GPRC5A: variants seen among roughly 807,000 people sequenced by gnomAD.
GPRC5A encodes G protein-coupled receptor class C group 5 member A.
A neutral mutation model predicts 22.5 loss-of-function variants in GPRC5A; 19 were observed. The observed-to-expected ratio is 0.85, with a 90% CI of 0.59 to 1.24. GPRC5A has a LOEUF of 1.24. GPRC5A is among the 50% of genes most tolerant of loss of function. GPRC5A has a pLI of 0.00. For synonymous variants in GPRC5A, 192 were observed against 184.5 expected (o/e 1.04, Z -0.33); for missense variants, 471 against 451.1 (o/e 1.04, Z -0.40).
At chr12:12,895,821 C>CAAAAAAAA (rs34696528) in intron 1 of GPRC5A, among the ~76,000 whole-genome samples, 38 of 75,622 alleles carry the variant, frequency 5.0e-4, no homozygotes, top group Non-Finnish European at 6.9e-4. Context: ...ACTAAAAATA[C>CAAAAAAAA]AAAAAAAAAA....
chr12:12,902,257 G>GATGGGGTGGGGGAGGCT (rs986799179), intron 1 of GPRC5A, among the ~76,000 whole-genome samples: 11 of 152,076 alleles, frequency 7.2e-5, no homozygotes, highest in African/African-American at 2.7e-4. Context: ...TCAGCTTAGG[G>GATGGGGTGGGGGAGGCT]ATGGGGTGGG....
At chr12:12,895,907 G>A (rs1295239965) in intron 1 of GPRC5A, among the ~76,000 whole-genome samples, 1 of 145,742 alleles carries the variant, frequency 6.9e-6, no homozygotes, top group Non-Finnish European at 1.5e-5. Context: ...GCAGGAGAAT[G>A]GTGTGAACCC....
At chr12:12,911,473 T>A (rs1864003270) in intron 2 of GPRC5A, among the ~76,000 whole-genome samples, 1 of 151,824 alleles carries the variant, frequency 6.6e-6, no homozygotes, top group Non-Finnish European at 1.5e-5. Context: ...AAATGACTGG[T>A]TTTTATGACT....
intron 1 of GPRC5A, among the ~76,000 whole-genome samples, chr12:12,898,652 A>G (rs1428731394): frequency 6.6e-6 from 1 of 152,172 alleles, no homozygotes; most frequent in Non-Finnish European, 1.5e-5. Flanking sequence ...TCGCATATTT[A>G]TCAAAGAGCC....
intron 2 of GPRC5A, 160 bp downstream of exon 2, chr12:12,909,331 C>T: frequency 1.7e-6 from 1 of 596,472 alleles, no homozygotes; most frequent in East Asian, 2.8e-5. Flanking sequence ...AGTCGTCCAG[C>T]CTGTTAGAGA....
At position 12,908,527 on chromosome 12, in the gene GPRC5A, C is replaced by G; in HGVS notation, c.278C>G (p.Thr93Arg). The G allele has an allele frequency of 6.2e-7, 1 of 1,614,156 alleles. No homozygotes were observed. The highest frequency in any genetic ancestry group is 8.5e-7 in the Non-Finnish European group (1 of 1,180,036). The change falls in exon 2 of 4, where the codon ACA becomes AGA. Residue 93 changes from threonine (T) to arginine (R), a missense_variant. Physicochemically the swap from Thr to Arg is moderately conservative, Grantham distance 71. Transcript: ENST00000014914. ...TTCATCATCGGACTGGACGGGAGCA[C>G]AGGGCCCACACGCTTCTTCCTCTTT... ...FAFIIGLDGSTGPTRFFLFGI... is the reference protein window; with the variant it reads ...FAFIIGLDGSRGPTRFFLFGI...
At position 12,913,615 on chromosome 12, in the gene GPRC5A, A is replaced by G. The variant is rs546671485; in HGVS notation, c.*1076A>G. 1 of 152,314 alleles carries G rather than the reference A, an allele frequency of 6.6e-6. No individual in the cohort carries two copies. Among genetic ancestry groups the G allele is most frequent in the Admixed American group, 6.5e-5 (1 of 15,290 alleles). 9.4% of individuals were successfully genotyped at this position (152,314 alleles called of 1,614,324 possible). ...TAATAAGTTATTCACCTGAGTATGC[A>G]ATAAAGATGTGGTGGCCACTCTTTC... On this transcript the variant is annotated 3_prime_UTR_variant, in exon 4 of 4. Transcript: ENST00000014914.
intron 1 of GPRC5A, among the ~76,000 whole-genome samples, chr12:12,900,891 C>CAAAA (rs756416857): frequency 2.2e-3 from 48 of 21,618 alleles, no homozygotes; most frequent in African/African-American, 3.2e-3. Context: ...AACTCCGTCT[C>CAAAA]AAAAAAAAAA....
chr12:12,898,355 G>A (rs1015807907), intron 1 of GPRC5A, among the ~76,000 whole-genome samples: 2 of 152,182 alleles, frequency 1.3e-5, no homozygotes, highest in East Asian at 1.9e-4. Context: ...GCAACATAGC[G>A]AGACCCCACC....
At position 12,917,326 on chromosome 12, in the gene GPRC5A, A is replaced by G. The variant is rs1864076555; in HGVS notation, c.*4787A>G. The stretch of plus-strand genomic sequence containing the variant: ...TTTCTTTCTTGACCCTTCAAAGTGG[A>G]ACAGTCCAGTGCCAAAAATTTTAGA... On this transcript the variant is annotated 3_prime_UTR_variant, in exon 4 of 4. Transcript: ENST00000014914. 1 of 151,748 alleles carries G rather than the reference A, an allele frequency of 6.6e-6. No individual in the cohort carries two copies. Among genetic ancestry groups the G allele is most frequent in the South Asian group, 2.1e-4 (1 of 4,796 alleles). 9.4% of individuals were successfully genotyped at this position (151,748 alleles called of 1,614,324 possible).
At chr12:12,909,367 G>A (rs1379058867) in intron 2 of GPRC5A, 196 bp downstream of exon 2, 1 of 554,790 alleles carries the variant, frequency 1.8e-6, no homozygotes, top group East Asian at 2.9e-5. Flanking sequence ...GCTGGCCTCT[G>A]GAGTCTTTAT....
Position 12,912,547 on chromosome 12 carries a change from CT to C in GPRC5A, c.*9del. 6.5e-7 allele frequency: 1 copy of C among 1,536,894 alleles called. No individual in the cohort carries two copies. Among genetic ancestry groups the C allele is most frequent in the Non-Finnish European group, 9.0e-7 (1 of 1,109,460 alleles). ...AAGAAAGAGGGCAGCTAACTCTGTC[CT>C]GAAGAGTGGGACAAATGCAGCCGGG... On this transcript the variant is annotated 3_prime_UTR_variant, in exon 4 of 4. Transcript: ENST00000014914.
At chr12:12,897,697 C>CTCCT (rs1863837665) in intron 1 of GPRC5A, among the ~76,000 whole-genome samples, 1 of 151,442 alleles carries the variant, frequency 6.6e-6, no homozygotes, top group Non-Finnish European at 1.5e-5. Flanking sequence ...CAGCCTCTGC[C>CTCCT]TCCTGGGTTC....
rs1565466605 is a variant in GPRC5A at position 12,914,598 on chromosome 12, C to CTTTCTTTCTTTCTTTCTT, written c.*2060_*2061insTTCTTTCTTTCTTTCTTT. The CTTTCTTTCTTTCTTTCTT allele has an allele frequency of 5.9e-4, 7 of 11,938 alleles. No homozygotes were observed. Among genetic ancestry groups the CTTTCTTTCTTTCTTTCTT allele is most frequent in the Admixed American group, 3.0e-3 (3 of 1,000 alleles). The allele number at this position is 11,938 out of a possible 1,614,324, so 0.7% of individuals were successfully genotyped here. On this transcript the variant is annotated 3_prime_UTR_variant, in exon 4 of 4. Coordinates refer to ENST00000014914, the MANE Select transcript of GPRC5A (RefSeq NM_003979.4). ...TTTCTTTCTTTCTTTCTTTCTTTCT[C>CTTTCTTTCTTTCTTTCTT]TCTCTCTCTCTCTCTCTCTTTCTTT...
chr12:12,914,127 T>C lies in GPRC5A; in HGVS notation c.*1588T>C, dbSNP rs1864034303. The C allele has an allele frequency of 6.6e-6, 1 of 152,260 alleles. No homozygotes were observed. Among genetic ancestry groups the C allele is most frequent in the African/African-American group, 2.4e-5 (1 of 41,448 alleles). The allele number at this position is 152,260 out of a possible 1,614,324, so 9.4% of individuals were successfully genotyped here. A position where few individuals can be genotyped will look rare whatever the true frequency, so the allele number is the denominator to read the frequency against. On this transcript the variant is annotated 3_prime_UTR_variant, in exon 4 of 4. Coordinates refer to ENST00000014914, the MANE Select transcript of GPRC5A (RefSeq NM_003979.4). Reference sequence around the variant, plus strand: ...GCAATAGGAAATCTCTCTTTCGTTATGGAAAAAAAATAATCCCTCTACATA... The same window carrying C: ...GCAATAGGAAATCTCTCTTTCGTTACGGAAAAAAAATAATCCCTCTACATA...
intron 1 of GPRC5A, among the ~76,000 whole-genome samples, chr12:12,896,484 G>A (rs936727502): frequency 3.3e-5 from 5 of 152,326 alleles, no homozygotes; most frequent in African/African-American, 1.2e-4. Context: ...ATCAAGGGCA[G>A]AGGGATTTCT....
Position 12,909,052 on chromosome 12 carries a change from T to C in GPRC5A, c.803T>C (p.Leu268Pro). The C allele has an allele frequency of 6.2e-7, 1 of 1,611,162 alleles. No individual in the cohort carries two copies. Among genetic ancestry groups the C allele is most frequent in the Non-Finnish European group, 8.5e-7 (1 of 1,179,966 alleles). The change falls in exon 2 of 4, where the codon CTC (leucine) becomes CCC (proline). Residue 268 changes from leucine (L) to proline (P), a missense_variant. Leu to Pro is a moderately conservative substitution (Grantham distance 98, BLOSUM62 -3). Coordinates refer to ENST00000014914, the MANE Select transcript of GPRC5A (RefSeq NM_003979.4). ...LAYVSPEFWL[L>P]TKQRNPMDYP... ...TATGTTAGTCCCGAGTTTTGGCTGC[T>C]CACAAAGCAACGAAACCCCATGGAT... is the stretch of plus-strand genomic sequence containing the variant.
chr12:12,909,564 T>A (rs1863982076), intron 2 of GPRC5A: 1 of 166,662 alleles, frequency 6.0e-6, no homozygotes, highest in Non-Finnish European at 1.3e-5. Flanking sequence ...GTGTTTTTTA[T>A]AAAAGATAAC....
At chr12:12,908,104 T>C (rs1230588582) in intron 1 of GPRC5A, 139 bp from the exon 2 acceptor site, 8 of 595,270 alleles carry the variant, frequency 1.3e-5, no homozygotes, top group African/African-American at 1.9e-5. Context: ...GTAGCTTTAC[T>C]TAATGTAGTA....
Sources: allele counts gnomAD v4.1 joint callset (sites outside exome capture counted in the v4.1 genomes callset), GRCh38; gene constraint gnomAD v4.1.1; transcripts MANE v1.5; gene names NCBI Gene and HGNC (gene_info 2026-07-23, HGNC 2026-07-21).